Variants in SHANK2 observed in about 807,000 individuals in gnomAD.
SHANK2 encodes SH3 and multiple ankyrin repeat domains 2, also known as SH3 and multiple ankyrin repeat domains protein 2.
In SHANK2, 43 loss-of-function variants were observed where a neutral mutation model predicts 133.7. That is an observed-to-expected ratio of 0.32 (90% CI 0.25 to 0.41). The LOEUF (loss-of-function observed/expected upper bound fraction) is 0.41. Among genes scored for constraint, SHANK2 ranks in the 10% least tolerant of loss-of-function variants. The probability of loss-of-function intolerance (pLI) is 1.00; values close to 1 mark genes in which losing one functional copy is unlikely to be tolerated. For synonymous variants in SHANK2, 1,017 were observed against 952.8 expected (o/e 1.07, Z -1.24); for missense variants, 1,994 against 2,235.8 (o/e 0.89, Z 2.18).
intron 17 of SHANK2, among the ~76,000 whole-genome samples, chr11:70,527,221 G>C (rs1389625316): frequency 6.6e-6 from 1 of 152,176 alleles, no homozygotes; most frequent in African/African-American, 2.4e-5. Context: ...TTCTGCCTGG[G>C]TCCTGTCCCT....
intron 2 of SHANK2, among the ~76,000 whole-genome samples, chr11:71,153,302 G>C (rs1307123039): frequency 1.5e-5 from 2 of 137,172 alleles, no homozygotes; most frequent in African/African-American, 5.2e-5. Context: ...TCGGGGGCGG[G>C]GGAGAGGCCA....
chr11:70,863,510 C>T (rs377525333), intron 11 of SHANK2: 34 of 457,914 alleles, frequency 7.4e-5, no homozygotes, highest in East Asian at 4.2e-4. Context: ...CTCTAGGACT[C>T]GCCCACCTGC....
At chr11:71,200,831 T>TACACACACACACAC (rs56749664) in intron 2 of SHANK2, among the ~76,000 whole-genome samples, 15 of 144,932 alleles carry the variant, frequency 1.0e-4, no homozygotes, top group Admixed American at 2.8e-4. Flanking sequence ...TCTCAATTAA[T>TACACACACACACAC]ACACACACAC....
At chr11:70,712,231 C>G (rs782238770) in intron 14 of SHANK2, among the ~76,000 whole-genome samples, 1 of 152,242 alleles carries the variant, frequency 6.6e-6, no homozygotes, top group Non-Finnish European at 1.5e-5. Context: ...CCCTCTGACT[C>G]TCAGCCCTAT....
intron 3 of SHANK2, among the ~76,000 whole-genome samples, chr11:71,129,457 A>C (rs1488106521): frequency 6.6e-6 from 1 of 152,188 alleles, no homozygotes; most frequent in Non-Finnish European, 1.5e-5. Flanking sequence ...GAGGCAACAT[A>C]GGGAAACCGT....
chr11:71,081,610 C>T (rs983332346), intron 8 of SHANK2, among the ~76,000 whole-genome samples: 8 of 152,156 alleles, frequency 5.3e-5, no homozygotes, highest in Admixed American at 1.3e-4. Flanking sequence ...TCCTGTTCCC[C>T]GCATGTCCCT....
chr11:70,883,627 C>A (rs969596522), intron 11 of SHANK2, among the ~76,000 whole-genome samples: 1 of 152,116 alleles, frequency 6.6e-6, no homozygotes, highest in Admixed American at 6.5e-5. Context: ...AGAGGGTGTG[C>A]TGCGGTGTGG....
At chr11:70,604,531 G>A (rs1250816926) in intron 17 of SHANK2, 2 of 152,250 alleles carry the variant, frequency 1.3e-5, no homozygotes, top group Non-Finnish European at 2.9e-5. Context: ...ATAAACGCTC[G>A]GCTTGGGGAG....
intron 13 of SHANK2, among the ~76,000 whole-genome samples, chr11:70,799,390 G>A (rs1555049995): frequency 6.6e-6 from 1 of 151,502 alleles, no homozygotes; most frequent in Non-Finnish European, 1.5e-5. Context: ...GTGACAGAGT[G>A]AGACTCCATC....
At position 71,195,080 on chromosome 11, in the gene SHANK2, A is replaced by G. The variant is rs114234636; in HGVS notation, c.-13+29617T>C. Among the ~76,000 whole-genome samples, 541 of 152,342 alleles carry G rather than the reference A, an allele frequency of 3.6e-3. 6 individuals are homozygous for G. Among genetic ancestry groups the G allele is most frequent in the African/African-American group, 0.012 (494 of 41,580 alleles). On this transcript the variant is annotated intron_variant, in intron 2 of 25. Coordinates refer to ENST00000601538, the MANE Select transcript of SHANK2 (RefSeq NM_012309.5). ...AGCTCACTTTTTACGTAGGGCACCT[A>G]TTTATATTTAGTATTAAAAAGTGCC...
At chr11:70,565,835 T>C (rs1554981791) in intron 17 of SHANK2, among the ~76,000 whole-genome samples, 1 of 152,222 alleles carries the variant, frequency 6.6e-6, no homozygotes, top group African/African-American at 2.4e-5. Flanking sequence ...GGCATTATTA[T>C]TATTATTTTT....
chr11:71,253,031 G>A (rs961146729), upstream of SHANK2, among the ~76,000 whole-genome samples: 1 of 152,224 alleles, frequency 6.6e-6, no homozygotes, highest in Non-Finnish European at 1.5e-5. Flanking sequence ...CGAAAACTTT[G>A]TACCCGGGTG....
chr11:70,934,246 CAAAAAA>C (rs11411212), intron 10 of SHANK2, among the ~76,000 whole-genome samples: 1 of 114,080 alleles, frequency 8.8e-6, no homozygotes, highest in Non-Finnish European at 1.8e-5. Context: ...ACAACACCAC[CAAAAAA>C]AAAAAAAAAA....
intron 15 of SHANK2, among the ~76,000 whole-genome samples, chr11:70,674,451 T>C (rs1591735346): frequency 6.6e-6 from 1 of 152,110 alleles, no homozygotes; most frequent in South Asian, 2.1e-4. Context: ...CAGGTTCAAG[T>C]GATTCTCTGA....
At chr11:70,728,359 G>A (rs1555031227) in intron 14 of SHANK2, among the ~76,000 whole-genome samples, 1 of 152,220 alleles carries the variant, frequency 6.6e-6, no homozygotes, top group Non-Finnish European at 1.5e-5. Context: ...CCGAGGCACC[G>A]TGACTTGGGA....
intron 2 of SHANK2, among the ~76,000 whole-genome samples, chr11:71,190,809 C>G (rs1555115282): frequency 1.3e-5 from 2 of 152,190 alleles, no homozygotes; most frequent in African/African-American, 2.4e-5. Context: ...CCCATCATTT[C>G]TGTCTCGGCC....
Position 70,487,773 on chromosome 11 carries a change from G to GC in SHANK2, c.2573-54_2573-53insG. On this transcript the variant is annotated intron_variant, in intron 24 of 25. Coordinates refer to ENST00000601538, the MANE Select transcript of SHANK2 (RefSeq NM_012309.5). This position sits in a 1 kb window ranked among gnomAD's most constrained non-coding sequence, Gnocchi z 5.8. Reference sequence around the variant, plus strand: ...AAGTCACAATAGCAACAAAGCCTAAGTTCCTAGGAACGTGCGATACGCTAC... The same window carrying GC: ...AAGTCACAATAGCAACAAAGCCTAAGCTTCCTAGGAACGTGCGATACGCTAC... 2 of 1,550,154 alleles carry GC rather than the reference G, an allele frequency of 1.3e-6. No homozygotes were observed. The highest frequency in any genetic ancestry group is 1.7e-6 in the Non-Finnish European group (2 of 1,146,996).
chr11:70,496,676 T>C (rs1275431588), intron 21 of SHANK2, among the ~76,000 whole-genome samples: 1 of 152,140 alleles, frequency 6.6e-6, no homozygotes, highest in African/African-American at 2.4e-5. Context: ...CGTAAGGCCA[T>C]ATGGGGGCAA....
intron 17 of SHANK2, among the ~76,000 whole-genome samples, chr11:70,608,591 C>A (rs2060611729): frequency 6.6e-6 from 1 of 152,196 alleles, no homozygotes; most frequent in East Asian, 1.9e-4. Flanking sequence ...CAGCAGGGAG[C>A]CACTGAGAGC....
Sources: allele counts gnomAD v4.1 joint callset (sites outside exome capture counted in the v4.1 genomes callset), GRCh38; gene constraint gnomAD v4.1.1; non-coding constraint Gnocchi (gnomAD v3.1); transcripts MANE v1.5; gene names NCBI Gene and HGNC (gene_info 2026-07-23, HGNC 2026-07-21).